Variants in TCF4 observed in about 807,000 individuals in gnomAD.
The protein encoded by TCF4 is SL3-3 enhancer factor 2.
Under a neutral mutation model 82.1 loss-of-function variants are expected in TCF4, and 3 were observed. The ratio of observed to expected loss-of-function variants is 0.04; its 90% CI spans 0.02 to 0.09. TCF4 has a LOEUF of 0.09. Among genes scored for constraint, TCF4 ranks in the 10% least tolerant of loss-of-function variants. The probability of loss-of-function intolerance (pLI) is 1.00; values close to 1 mark genes in which losing one functional copy is unlikely to be tolerated. For synonymous variants in TCF4, 276 were observed against 309.6 expected, an observed-to-expected ratio of 0.89 and a Z score of 1.14; for missense variants, 518 against 852.7, an observed-to-expected ratio of 0.61 and a Z score of 4.89.
In TCF4 at chr18:55,228,228, C is replaced by T; in HGVS notation, c.2013G>A (p.Met671Ile). ...GGCTGAAAACAAACTTGCCCTTTTA[C>T]ATCTGTCCCATGTGATTCGATGCGT... ...MGDASNHMGQ[M>I] The change falls in exon 19 of 20, where the codon ATG (methionine) becomes ATA (isoleucine). Residue 671 changes from methionine to isoleucine, a missense_variant. Physicochemically the swap from Met to Ile is conservative, Grantham distance 10. Transcript: ENST00000354452. 1 of 1,614,134 alleles carries T rather than the reference C, an allele frequency of 6.2e-7. No homozygotes were observed. Among genetic ancestry groups the T allele is most frequent in the South Asian group, 1.1e-5 (1 of 91,078 alleles).
At chr18:55,296,408 G>C (rs1262860992) in intron 8 of TCF4, among the ~76,000 whole-genome samples, 2 of 152,218 alleles carry the variant, frequency 1.3e-5, no homozygotes, top group Non-Finnish European at 2.9e-5. Flanking sequence ...ATGTGGGAAA[G>C]AGAATGAAAA....
chr18:55,354,931 G>A (rs1368213217), intron 6 of TCF4, among the ~76,000 whole-genome samples: 1 of 152,106 alleles, frequency 6.6e-6, no homozygotes, highest in Non-Finnish European at 1.5e-5. Context: ...GTTGTGATCC[G>A]GTATCAGACA....
chr18:55,296,859 G>A (rs928073275), intron 8 of TCF4, among the ~76,000 whole-genome samples: 1 of 152,100 alleles, frequency 6.6e-6, no homozygotes, highest in Admixed American at 6.5e-5. Flanking sequence ...CTCACATTTA[G>A]GCACATGGTA....
intron 2 of TCF4, among the ~76,000 whole-genome samples, chr18:55,610,695 C>T (rs2097706235): frequency 6.6e-6 from 1 of 152,090 alleles, no homozygotes; most frequent in Non-Finnish European, 1.5e-5. Flanking sequence ...AAGATTACAC[C>T]CAGGGAAGTG....
At chr18:55,256,293 C>T (rs971479747) in intron 14 of TCF4, among the ~76,000 whole-genome samples, 11 of 151,992 alleles carry the variant, frequency 7.2e-5, no homozygotes, top group African/African-American at 2.7e-4. Flanking sequence ...TATAGTTGGA[C>T]GAAGCCTGGT....
chr18:55,480,900 T>C (rs557016573), intron 3 of TCF4, among the ~76,000 whole-genome samples: 4 of 152,122 alleles, frequency 2.6e-5, no homozygotes, highest in Non-Finnish European at 4.4e-5. Context: ...GGCCAGGAGT[T>C]TGAGACCAGC....
chr18:55,250,826 C>G (rs2054835053), intron 15 of TCF4, among the ~76,000 whole-genome samples: 1 of 152,074 alleles, frequency 6.6e-6, no homozygotes, highest in Non-Finnish European at 1.5e-5. Flanking sequence ...AGAGTCATAT[C>G]TATAAAAGAT....
At chr18:55,517,264 T>C (rs2096891933) in intron 3 of TCF4, among the ~76,000 whole-genome samples, 1 of 152,210 alleles carries the variant, frequency 6.6e-6, no homozygotes, top group South Asian at 2.1e-4. Context: ...CTTGCTCTTT[T>C]GTGCGGCTGG....
chr18:55,371,624 T>C (rs2089216573), intron 6 of TCF4, among the ~76,000 whole-genome samples: 1 of 151,622 alleles, frequency 6.6e-6, no homozygotes, highest in South Asian at 2.1e-4. Flanking sequence ...AGTCAACTCA[T>C]GCCTACATTT....
chr18:55,259,103 C>T (rs912612854), intron 13 of TCF4, among the ~76,000 whole-genome samples: 2 of 152,186 alleles, frequency 1.3e-5, no homozygotes, highest in Non-Finnish European at 2.9e-5. Context: ...TGAGTTTACA[C>T]TGGGCCATGA....
chr18:55,591,116 C>T (rs1313684168), upstream of TCF4: 1 of 152,190 alleles, frequency 6.6e-6, no homozygotes. Context: ...CTTTTACTTA[C>T]ATGTAAGTTT....
At chr18:55,523,188 T>C (rs1425662526) in intron 3 of TCF4, among the ~76,000 whole-genome samples, 3 of 151,986 alleles carry the variant, frequency 2.0e-5, no homozygotes, top group Non-Finnish European at 4.4e-5. Context: ...TCAACAAAAC[T>C]TATGGAATGC....
At chr18:55,303,442 A>T (rs1270768049) in intron 8 of TCF4, among the ~76,000 whole-genome samples, 1 of 152,172 alleles carries the variant, frequency 6.6e-6, no homozygotes, top group African/African-American at 2.4e-5. Context: ...TAGAATCATG[A>T]CTGCAACTCT....
intron 3 of TCF4, among the ~76,000 whole-genome samples, chr18:55,560,962 G>A: frequency 6.6e-6 from 1 of 152,218 alleles, no homozygotes; most frequent in Admixed American, 6.5e-5. Context: ...AGCATTCCAT[G>A]GTTCTGAATA....
chr18:55,431,482 G>A (rs562384518), intron 5 of TCF4, among the ~76,000 whole-genome samples: 6 of 152,192 alleles, frequency 3.9e-5, no homozygotes, highest in Admixed American at 1.3e-4. Flanking sequence ...GTTTCACCAC[G>A]TTGGCCAAGC....
intron 8 of TCF4, among the ~76,000 whole-genome samples, chr18:55,314,119 T>A (rs2073412626): frequency 6.6e-6 from 1 of 152,098 alleles, no homozygotes; most frequent in South Asian, 2.1e-4. Flanking sequence ...CAAAGCGACA[T>A]GAAAAACACT....
intron 3 of TCF4, among the ~76,000 whole-genome samples, chr18:55,576,406 G>T (rs992488378): frequency 6.6e-6 from 1 of 152,116 alleles, no homozygotes; most frequent in East Asian, 1.9e-4. Flanking sequence ...TAACACCCCC[G>T]AGTGAAACGC....
chr18:55,382,142 G>T (rs1167400904), intron 6 of TCF4, among the ~76,000 whole-genome samples: 1 of 152,044 alleles, frequency 6.6e-6, no homozygotes, highest in Non-Finnish European at 1.5e-5. Flanking sequence ...TCTATATTGG[G>T]ATATATATTT....
At chr18:55,452,413 G>A (rs1234219832) in intron 5 of TCF4, 1 of 152,308 alleles carries the variant, frequency 6.6e-6, no homozygotes, top group African/African-American at 2.4e-5. Flanking sequence ...GGTTGCTGGA[G>A]GTAAGTTCCC....
Sources: gnomAD v4.1 joint callset for allele counts (sites outside exome capture counted in the v4.1 genomes callset) on GRCh38, gnomAD v4.1.1 for gene constraint, MANE v1.5 for transcripts, NCBI Gene and HGNC (gene_info 2026-07-23, HGNC 2026-07-21) for gene names.